The following BTC variants were observed in gnomAD, a reference collection of about 807,000 sequenced individuals.
The protein encoded by BTC is probetacellulin.
A neutral mutation model predicts 18.1 loss-of-function variants in BTC; 13 were observed. The ratio of observed to expected loss-of-function variants is 0.72; its 90% CI spans 0.47 to 1.14. BTC has a LOEUF of 1.14. Among genes scored for constraint, BTC ranks in the 50% most tolerant of loss-of-function variants. BTC has a pLI of 0.00. For synonymous variants in BTC, 83 were observed against 79.4 expected (o/e 1.05, Z -0.24); for missense variants, 247 against 224.2 (o/e 1.10, Z -0.65).
At chr4:74,749,689 TTG>T (rs1560708279) in intron 4 of BTC, among the ~76,000 whole-genome samples, 1 of 85,196 alleles carries the variant, frequency 1.2e-5, no homozygotes, top group African/African-American at 4.2e-5. Flanking sequence ...GTTTTTTTTG[TTG>T]TTGTTGTTGT....
chr4:74,767,575 T>C (rs931197333), intron 2 of BTC, among the ~76,000 whole-genome samples: 1 of 151,916 alleles, frequency 6.6e-6, no homozygotes, highest in Non-Finnish European at 1.5e-5. Context: ...AAAAACAAAT[T>C]TAAAATTCAA....
chr4:74,784,965 CT>C (rs1247690955), intron 1 of BTC, among the ~76,000 whole-genome samples: 1 of 152,104 alleles, frequency 6.6e-6, no homozygotes. Context: ...GTAATCCCTC[CT>C]TTTTAATTTT....
At chr4:74,750,534 T>A in intron 4 of BTC, 39 bp downstream of exon 4, 1 of 1,573,332 alleles carries the variant, frequency 6.4e-7, no homozygotes. Flanking sequence ...CAAATACTGT[T>A]TCTCAGATTT....
At chr4:74,753,841 T>A (rs1355265015) in intron 3 of BTC, among the ~76,000 whole-genome samples, 2 of 151,998 alleles carry the variant, frequency 1.3e-5, no homozygotes, top group African/African-American at 2.4e-5. Flanking sequence ...AAAAAAATAT[T>A]GTTCTTAAAA....
chr4:74,780,525 TC>T (rs2109912049), intron 1 of BTC, among the ~76,000 whole-genome samples: 1 of 152,340 alleles, frequency 6.6e-6, no homozygotes, highest in East Asian at 1.9e-4. Flanking sequence ...CTCACAGAAG[TC>T]TTCTATCACA....
At chr4:74,774,171 T>C (rs1725119440) in intron 1 of BTC, among the ~76,000 whole-genome samples, 1 of 152,254 alleles carries the variant, frequency 6.6e-6, no homozygotes, top group South Asian at 2.1e-4. Context: ...GTGGTCATAG[T>C]AATGTCAATA....
At chr4:74,783,043 G>T (rs1239783333) in intron 1 of BTC, among the ~76,000 whole-genome samples, 1 of 152,146 alleles carries the variant, frequency 6.6e-6, no homozygotes, top group Non-Finnish European at 1.5e-5. Flanking sequence ...CTCCCATTCT[G>T]CAGGTTGTCT....
intron 2 of BTC, among the ~76,000 whole-genome samples, chr4:74,758,611 T>G (rs1724666021): frequency 6.6e-6 from 1 of 152,178 alleles, no homozygotes; most frequent in Admixed American, 6.5e-5. Flanking sequence ...CTAGTTGCTG[T>G]GCCCCTTTAA....
At chr4:74,781,858 A>G (rs1475022039) in intron 1 of BTC, among the ~76,000 whole-genome samples, 3 of 152,078 alleles carry the variant, frequency 2.0e-5, no homozygotes, top group African/African-American at 7.2e-5. Context: ...CCCATTAAAC[A>G]ATAACTCCCT....
In BTC at chr4:74,794,400, CGCCTGAGAGGGT is replaced by C; in HGVS notation, c.-87_-76del. On this transcript the variant is annotated 5_prime_UTR_variant, in exon 1 of 6. Coordinates refer to ENST00000395743, the MANE Select transcript of BTC (RefSeq NM_001729.4). ...CTTCGCCCCCTTCCCGGGCCTCGGG[CGCCTGAGAGGGT>C]GCCTGGAAACTAATCCCGGAGGCAG... 7.1e-7 allele frequency: 1 copy of C among 1,415,414 alleles called. No individual in the cohort carries two copies. Among genetic ancestry groups the C allele is most frequent in the East Asian group, 2.7e-5 (1 of 36,392 alleles). 87.7% of individuals were successfully genotyped at this position (1,415,414 alleles called of 1,614,324 possible). A position where few individuals can be genotyped will look rare whatever the true frequency, so the allele number is the denominator to read the frequency against.
At chr4:74,767,162 A>G (rs1724922601) in intron 2 of BTC, among the ~76,000 whole-genome samples, 1 of 148,898 alleles carries the variant, frequency 6.7e-6, no homozygotes, top group Non-Finnish European at 1.5e-5. Context: ...GATCCTATAC[A>G]TAAAAAATTC....
At chr4:74,759,920 T>C (rs1239145398) in intron 2 of BTC, among the ~76,000 whole-genome samples, 2 of 152,248 alleles carry the variant, frequency 1.3e-5, no homozygotes, top group Admixed American at 1.3e-4. Context: ...ATTTGACGGA[T>C]GTTTTGATTA....
chr4:74,755,792 C>A, intron 3 of BTC, 67 bp downstream of exon 3: 1 of 1,440,438 alleles, frequency 6.9e-7, no homozygotes, highest in South Asian at 1.2e-5. Flanking sequence ...ACTTTCCAGT[C>A]CTGGCAAGAC....
intron 2 of BTC, among the ~76,000 whole-genome samples, chr4:74,759,483 A>C (rs1238412521): frequency 6.6e-6 from 1 of 152,106 alleles, no homozygotes. Flanking sequence ...ACACAATCTC[A>C]TAAGTGGATG....
At chr4:74,765,974 C>G (rs568015954) in intron 2 of BTC, among the ~76,000 whole-genome samples, 1 of 152,066 alleles carries the variant, frequency 6.6e-6, no homozygotes, top group Admixed American at 6.6e-5. Flanking sequence ...TAGCTTATTG[C>G]TCTGAGGCTA....
chr4:74,774,936 A>G (rs1040847237), intron 1 of BTC, among the ~76,000 whole-genome samples: 1 of 152,182 alleles, frequency 6.6e-6, no homozygotes, highest in Non-Finnish European at 1.5e-5. Flanking sequence ...AGAAAGGCCT[A>G]TGAGGGATAG....
intron 1 of BTC, among the ~76,000 whole-genome samples, chr4:74,789,194 C>T (rs1035489222): frequency 6.6e-6 from 1 of 152,204 alleles, no homozygotes; most frequent in African/African-American, 2.4e-5. Context: ...TCTAAGGAAA[C>T]AATTCAAAGC....
intron 2 of BTC, among the ~76,000 whole-genome samples, chr4:74,767,759 A>G (rs540897371): frequency 6.6e-6 from 1 of 152,226 alleles, no homozygotes; most frequent in South Asian, 2.1e-4. Flanking sequence ...ACTGATCTTC[A>G]GCAAAGGTAC....
chr4:74,794,460 G>C lies in BTC; in HGVS notation c.-135C>G. 9.9e-7 allele frequency: 1 copy of C among 1,014,092 alleles called. No individual in the cohort carries two copies. Among genetic ancestry groups the C allele is most frequent in the Non-Finnish European group, 1.4e-6 (1 of 722,112 alleles). 62.8% of individuals were successfully genotyped at this position (1,014,092 alleles called of 1,614,324 possible). Reference sequence around the variant, plus strand: ...CAGAAGGAAACGAAACTACTTCCCAGGCTGGCACCCTGGCTACAAGGCAGG... The same window carrying C: ...CAGAAGGAAACGAAACTACTTCCCACGCTGGCACCCTGGCTACAAGGCAGG... On this transcript the variant is annotated 5_prime_UTR_variant, in exon 1 of 6. Coordinates refer to ENST00000395743, the MANE Select transcript of BTC (RefSeq NM_001729.4).
Sources: allele counts gnomAD v4.1 joint callset (sites outside exome capture counted in the v4.1 genomes callset), GRCh38; gene constraint gnomAD v4.1.1; transcripts MANE v1.5; gene names NCBI Gene and HGNC (gene_info 2026-07-23, HGNC 2026-07-21).